Variants in OTOGL observed in about 807,000 individuals in gnomAD.
The protein encoded by OTOGL is otogelin-like protein.
OTOGL carries 285 observed loss-of-function variants against 318.5 expected under a neutral mutation model. The observed-to-expected ratio is 0.89, with a 90% CI of 0.81 to 0.99. The LOEUF is 0.99. Among genes scored for constraint, OTOGL ranks in the 50% least tolerant of loss-of-function variants. The pLI is 0.00. For synonymous variants in OTOGL, 987 were observed against 936.5 expected, an observed-to-expected ratio of 1.05 and a Z score of -0.99; for missense variants, 2,899 against 2,845.6, an observed-to-expected ratio of 1.02 and a Z score of -0.43.
At chr12:80,165,759 A>T (rs1873790004) in intron 1 of OTOGL, among the ~76,000 whole-genome samples, 1 of 152,238 alleles carries the variant, frequency 6.6e-6, no homozygotes, top group Non-Finnish European at 1.5e-5. Flanking sequence ...AGTTCTGGTA[A>T]CTGCTCCTTC....
chr12:80,164,739 C>T (rs1467893270), intron 1 of OTOGL, among the ~76,000 whole-genome samples: 1 of 152,046 alleles, frequency 6.6e-6, no homozygotes, highest in Admixed American at 6.6e-5. Flanking sequence ...ACTTCATGAG[C>T]CCATGGCAGC....
At chr12:80,113,334 T>G (rs1402799830) in intron 1 of OTOGL, among the ~76,000 whole-genome samples, 1 of 152,198 alleles carries the variant, frequency 6.6e-6, no homozygotes, top group Non-Finnish European at 1.5e-5. Flanking sequence ...GTTCTTTTAA[T>G]TATGATGTTA....
intron 1 of OTOGL, among the ~76,000 whole-genome samples, chr12:80,152,118 T>C (rs1236345855): frequency 6.6e-6 from 1 of 152,068 alleles, no homozygotes; most frequent in Non-Finnish European, 1.5e-5. Context: ...TTTGAGAAAT[T>C]AGACTGGTGT....
At chr12:80,273,581 T>C (rs1318362262) in intron 24 of OTOGL, among the ~76,000 whole-genome samples, 2 of 152,096 alleles carry the variant, frequency 1.3e-5, no homozygotes, top group Non-Finnish European at 2.9e-5. Context: ...TCTTGGATGA[T>C]TGAGTATATG....
chr12:80,181,366 C>T (rs1189325495), intron 1 of OTOGL, among the ~76,000 whole-genome samples: 2 of 150,392 alleles, frequency 1.3e-5, no homozygotes, highest in African/African-American at 4.9e-5. Flanking sequence ...TAATAATTAC[C>T]TTACAGCAGA....
At chr12:80,198,511 G>A (rs1163198653) in intron 1 of OTOGL, among the ~76,000 whole-genome samples, 1 of 152,142 alleles carries the variant, frequency 6.6e-6, no homozygotes, top group East Asian at 1.9e-4. Flanking sequence ...TTGAACCCAG[G>A]AATTGGAGGC....
intron 6 of OTOGL, among the ~76,000 whole-genome samples, chr12:80,220,168 A>AT (rs1223299417): frequency 4.6e-5 from 7 of 150,954 alleles, no homozygotes; most frequent in African/African-American, 1.7e-4. Flanking sequence ...TATTATTATT[A>AT]TTATTTTTTG....
chr12:80,107,589 C>T (rs1419051130), intron 1 of OTOGL, among the ~76,000 whole-genome samples: 1 of 152,074 alleles, frequency 6.6e-6, no homozygotes. Flanking sequence ...CCTAGCAAGC[C>T]CCTTATTGGG....
chr12:80,117,359 TATTCA>T (rs1266215381), intron 1 of OTOGL, among the ~76,000 whole-genome samples: 1 of 152,194 alleles, frequency 6.6e-6, no homozygotes, highest in African/African-American at 2.4e-5. Flanking sequence ...TGGCAGTAAT[TATTCA>T]ATTCATTTAA....
At chr12:80,192,173 T>G (rs1293602162) in intron 1 of OTOGL, among the ~76,000 whole-genome samples, 3 of 152,200 alleles carry the variant, frequency 2.0e-5, no homozygotes, top group Non-Finnish European at 4.4e-5. Flanking sequence ...ATGGCAAACT[T>G]TTTGATGAGA....
chr12:80,367,576 G>A lies in OTOGL; in HGVS notation c.6347G>A (p.Cys2116Tyr). The A allele has an allele frequency of 1.3e-6, 2 of 1,532,068 alleles. No individual in the cohort carries two copies. The highest frequency in any genetic ancestry group is 1.8e-6 in the Non-Finnish European group (2 of 1,128,354). The allele number at this position is 1,532,068 out of a possible 1,614,324, so 94.9% of individuals were successfully genotyped here. A position where few individuals can be genotyped will look rare whatever the true frequency, so the allele number is the denominator to read the frequency against. The change falls in exon 54 of 59, where the codon TGT (cysteine) becomes TAT (tyrosine). Residue 2116 changes from cysteine (C) to tyrosine (Y), a missense_variant. Around this residue, in one of 3 missense-constraint regions of OTOGL, gnomAD observed 289 missense variants for 304.6 expected, o/e 0.95. Coordinates refer to ENST00000547103, the MANE Select transcript of OTOGL (RefSeq NM_001378609.3). ...CTGTTCTTAGAAAAGGATGATGTGT[G>A]TGTATTTCAAGAAGTATCAGTATTG... ...IQYLCEKDDV[C>Y]VFQEVSVLNP...
chr12:80,237,878 A>G (rs922242383), intron 9 of OTOGL, among the ~76,000 whole-genome samples: 6 of 152,192 alleles, frequency 3.9e-5, no homozygotes, highest in African/African-American at 7.2e-5. Flanking sequence ...GATTGTCATC[A>G]GTTGTTGACT....
Position 80,368,217 on chromosome 12 carries a change from A to G in OTOGL, c.6523A>G (p.Thr2175Ala), listed in dbSNP as rs1460713758. 1 of 1,597,160 alleles carries G rather than the reference A, an allele frequency of 6.3e-7. No homozygotes were observed. The highest frequency in any genetic ancestry group is 1.7e-5 in the Admixed American group (1 of 58,356). The change falls in exon 55 of 59, where the codon ACT becomes GCT. Residue 2175 changes from threonine to alanine, a missense_variant. Thr to Ala is a moderately conservative substitution (Grantham distance 58). Transcript: ENST00000547103. ...SKKCDVHQVYTPSPSDYGCCG... is the reference protein window; with the variant it reads ...SKKCDVHQVYAPSPSDYGCCG... ...TCATTATATGCAGCACCAGGTATAT[A>G]CTCCATCCCCAAGTGATTATGGTTG...
At chr12:80,293,035 A>T (rs1422479455) in intron 26 of OTOGL, among the ~76,000 whole-genome samples, 2 of 152,230 alleles carry the variant, frequency 1.3e-5, no homozygotes, top group Non-Finnish European at 2.9e-5. Context: ...AATAAGAGTC[A>T]CAGGTAACTG....
chr12:80,355,624 T>C, intron 46 of OTOGL, 112 bp from the exon 47 acceptor site: 1 of 767,582 alleles, frequency 1.3e-6, no homozygotes, highest in Admixed American at 3.0e-5. Context: ...AATAGACTTG[T>C]GACACATCAT....
chr12:80,368,102 G>C (rs1359220872), intron 54 of OTOGL, 103 bp from the exon 55 acceptor site: 1 of 827,328 alleles, frequency 1.2e-6, no homozygotes, highest in African/African-American at 1.7e-5. Context: ...CCTTACAGTT[G>C]TCTGGAAAGA....
intron 1 of OTOGL, among the ~76,000 whole-genome samples, chr12:80,121,579 A>G (rs1264814379): frequency 6.6e-6 from 1 of 152,198 alleles, no homozygotes; most frequent in Non-Finnish European, 1.5e-5. Context: ...GAAACAAAAC[A>G]AAATAAAAAA....
intron 30 of OTOGL, among the ~76,000 whole-genome samples, chr12:80,312,699 C>T (rs753637540): frequency 3.2e-4 from 48 of 152,168 alleles, no homozygotes; most frequent in Non-Finnish European, 5.3e-4. Context: ...AGTCTGGAGT[C>T]CTGAACCACA....
intron 1 of OTOGL, among the ~76,000 whole-genome samples, chr12:80,118,683 G>C (rs1870310190): frequency 6.6e-6 from 1 of 152,224 alleles, no homozygotes; most frequent in Non-Finnish European, 1.5e-5. Flanking sequence ...ACTAATAACA[G>C]AGTTGGAGAA....
Sources: allele counts gnomAD v4.1 joint callset (sites outside exome capture counted in the v4.1 genomes callset), GRCh38; gene constraint gnomAD v4.1.1; regional missense constraint gnomAD v4.1.1; transcripts MANE v1.5; gene names NCBI Gene and HGNC (gene_info 2026-07-23, HGNC 2026-07-21).